The following MESP1 variants were observed in gnomAD, a reference collection of about 807,000 sequenced individuals.
The protein encoded by MESP1 is mesoderm posterior protein 1.
In MESP1, 22 loss-of-function variants were observed where a neutral mutation model predicts 15.2. The ratio of observed to expected loss-of-function variants is 1.45; its 90% CI spans 1.04 to 2.07. The LOEUF is 2.07. Among genes scored for constraint, MESP1 ranks in the 30% most tolerant of loss-of-function variants. The probability of loss-of-function intolerance (pLI) is 0.00; values close to 1 mark genes in which losing one functional copy is unlikely to be tolerated. For missense variants in MESP1, 484 were observed against 411.9 expected, an observed-to-expected ratio of 1.17 and a Z score of -1.51; for synonymous variants, 216 against 192.6, an observed-to-expected ratio of 1.12 and a Z score of -1.01.
chr15:89,750,685 GCCCCTC>G lies in MESP1; in HGVS notation c.541_546del (p.Glu181_Gly182del). 1 of 1,360,580 alleles carries G rather than the reference GCCCCTC, an allele frequency of 7.3e-7. No homozygotes were observed. Among genetic ancestry groups the G allele is most frequent in the Non-Finnish European group, 9.4e-7 (1 of 1,062,314 alleles). The allele number at this position is 1,360,580 out of a possible 1,614,324, so 84.3% of individuals were successfully genotyped here. A position where few individuals can be genotyped will look rare whatever the true frequency, so the allele number is the denominator to read the frequency against. On this transcript the variant is annotated inframe_deletion, in exon 1 of 2. Transcript: ENST00000300057. ...AGGCCCAGCCCGCGCCCCTGCCCCT[GCCCCTC>G]AGCCTGCGTCCGTGTCTGCATCTGC...
At chr15:89,742,417 C>T in the MESP1 span, among the ~76,000 whole-genome samples, 12 of 148,538 alleles carry the variant, frequency 8.1e-5, no homozygotes, top group Non-Finnish European at 1.5e-4. Flanking sequence ...CACTGACAGC[C>T]CCCCCTCCAC....
chr15:89,746,849 A>T (rs1355775247), downstream of MESP1, among the ~76,000 whole-genome samples: 1 of 129,704 alleles, frequency 7.7e-6, no homozygotes, highest in Non-Finnish European at 1.6e-5. Flanking sequence ...CCACACACAC[A>T]GCCCTGCCGC....
At chr15:89,746,890 C>G (rs1308088534), downstream of MESP1, among the ~76,000 whole-genome samples, 2 of 144,458 alleles carry the variant, frequency 1.4e-5, no homozygotes, top group African/African-American at 2.6e-5. Context: ...GCCCTGCTGC[C>G]CCAGCCACAC....
the MESP1 span, among the ~76,000 whole-genome samples, chr15:89,738,705 C>G: frequency 3.3e-5 from 5 of 151,766 alleles, no homozygotes; most frequent in Non-Finnish European, 5.9e-5. Flanking sequence ...CACTCCACCT[C>G]ACATGTGGAT....
At chr15:89,737,770 CCTGA>C in the MESP1 span, 2 of 1,611,720 alleles carry the variant, frequency 1.2e-6, no homozygotes, top group Non-Finnish European at 1.7e-6. Flanking sequence ...TGACCATTTC[CCTGA>C]CTTAGTTCTC....
the MESP1 span, among the ~76,000 whole-genome samples, chr15:89,740,862 G>A: frequency 2.6e-5 from 4 of 152,102 alleles, no homozygotes; most frequent in Admixed American, 6.5e-5. Context: ...TAAATTGGCC[G>A]GGCGCGGTGG....
chr15:89,740,085 C>G, the MESP1 span, among the ~76,000 whole-genome samples: 6 of 152,146 alleles, frequency 3.9e-5, no homozygotes, highest in African/African-American at 7.2e-5. Context: ...TTTAATGATG[C>G]CTGATTTTTT....
chr15:89,735,376 C>T, the MESP1 span: 1 of 1,057,846 alleles, frequency 9.5e-7, no homozygotes, highest in South Asian at 1.4e-5. Context: ...TGAACAGCCT[C>T]CTCACATATT....
At chr15:89,738,414 G>A in the MESP1 span, among the ~76,000 whole-genome samples, 1 of 151,972 alleles carries the variant, frequency 6.6e-6, no homozygotes, top group Non-Finnish European at 1.5e-5. Context: ...ATCACCTGAG[G>A]TGAGGAGTTC....
chr15:89,746,886 C>A, downstream of MESP1, among the ~76,000 whole-genome samples: 1 of 143,562 alleles, frequency 7.0e-6, no homozygotes, highest in Admixed American at 6.9e-5. Flanking sequence ...CAGAGCCCTG[C>A]TGCCCCAGCC....
the MESP1 span, among the ~76,000 whole-genome samples, chr15:89,737,369 A>C: frequency 6.6e-6 from 1 of 152,182 alleles, no homozygotes; most frequent in East Asian, 1.9e-4. Flanking sequence ...CAGCATGTGG[A>C]GGAGGGTCTG....
chr15:89,748,725 G>C (rs1968022222), downstream of MESP1: 1 of 152,220 alleles, frequency 6.6e-6, no homozygotes, highest in Non-Finnish European at 1.5e-5. Flanking sequence ...ACAGAGACTA[G>C]AAGAGTGAGT....
chr15:89,750,670 C>T lies in MESP1; in HGVS notation c.562G>A (p.Gly188Arg). 1 of 1,360,934 alleles carries T rather than the reference C, an allele frequency of 7.3e-7. No individual in the cohort carries two copies. The highest frequency in any genetic ancestry group is 9.4e-7 in the Non-Finnish European group (1 of 1,064,200). The allele number at this position is 1,360,934 out of a possible 1,614,324, so 84.3% of individuals were successfully genotyped here. A position where few individuals can be genotyped will look rare whatever the true frequency, so the allele number is the denominator to read the frequency against. ...CGGACGGCGGATACCAGGCCCAGCC[C>T]GCGCCCCTGCCCCTGCCCCTCAGCC... Reference protein sequence around the residue: ...TQAEGQGQGRGLGLVSAVRAG... With the variant: ...TQAEGQGQGRRLGLVSAVRAG... The change falls in exon 1 of 2, where the codon GGG (glycine) becomes AGG (arginine). Residue 188 changes from glycine (G) to arginine (R), a missense_variant. Transcript: ENST00000300057.
the MESP1 span, chr15:89,737,790 AAC>A: frequency 2.3e-5 from 37 of 1,599,302 alleles, no homozygotes; most frequent in African/African-American, 4.8e-4. Flanking sequence ...TTCTCTCACA[AAC>A]AGAGAGAGCC....
chr15:89,737,747 G>C, the MESP1 span: 1 of 1,613,968 alleles, frequency 6.2e-7, no homozygotes, highest in Non-Finnish European at 8.5e-7. Context: ...AAGGGACCAG[G>C]GCTGATGCCC....
chr15:89,749,989 G>A lies in MESP1; in HGVS notation c.*155C>T, dbSNP rs1968049560. The A allele has an allele frequency of 2.8e-6, 2 of 719,650 alleles. No homozygotes were observed. The highest frequency in any genetic ancestry group is 1.6e-5 in the South Asian group (1 of 61,826). The allele number at this position is 719,650 out of a possible 1,614,324, so 44.6% of individuals were successfully genotyped here. The stretch of plus-strand genomic sequence containing the variant: ...TCCATGGAGGGAGGGGCTGAGAAGG[G>A]CCGCCGCGGTGGGGACGGCTCTCAC... On this transcript the variant is annotated 3_prime_UTR_variant, in exon 2 of 2. Transcript: ENST00000300057.
chr15:89,740,367 T>C, the MESP1 span, among the ~76,000 whole-genome samples: 1 of 152,148 alleles, frequency 6.6e-6, no homozygotes, highest in Non-Finnish European at 1.5e-5. Context: ...TGCCTATTCG[T>C]CAGGAGACGA....
the MESP1 span, among the ~76,000 whole-genome samples, chr15:89,740,313 T>C: frequency 6.6e-6 from 1 of 152,076 alleles, no homozygotes; most frequent in African/African-American, 2.4e-5. Context: ...TCCTGCATTG[T>C]AGTGGGTCGC....
Position 89,751,046 on chromosome 15 carries a change from C to T in MESP1, c.186G>A (p.Arg62=). Residue 62 remains arginine, a synonymous_variant, in exon 1 of 2, where the codon CGG becomes CGA. Transcript: ENST00000300057. ...VASPARPGTL[R]DPRAPSVGRR... is the part of the protein sequence containing the mutation. ...TACCTACGGAGGGGGCGCGGGGGTC[C>T]CGGAGGGTGCCTGGCCGCGCGGGGC... The T allele has an allele frequency of 1.8e-6, 2 of 1,094,686 alleles. No homozygotes were observed. Among genetic ancestry groups the T allele is most frequent in the Non-Finnish European group, 2.4e-6 (2 of 838,916 alleles). The allele number at this position is 1,094,686 out of a possible 1,614,324, so 67.8% of individuals were successfully genotyped here. A position where few individuals can be genotyped will look rare whatever the true frequency, so the allele number is the denominator to read the frequency against.
Sources: gnomAD v4.1 joint callset for allele counts (sites outside exome capture counted in the v4.1 genomes callset) on GRCh38, gnomAD v4.1.1 for gene constraint, MANE v1.5 for transcripts, NCBI Gene and HGNC (gene_info 2026-07-23, HGNC 2026-07-21) for gene names.